TENM4: variants seen among roughly 807,000 people sequenced by gnomAD.
TENM4 encodes teneurin transmembrane protein 4, also known as teneurin-4.
In TENM4, 82 loss-of-function variants were observed where a neutral mutation model predicts 243.3. The observed-to-expected ratio is 0.34, with a 90% CI of 0.28 to 0.40. The LOEUF (loss-of-function observed/expected upper bound fraction) is 0.40. Ranked by LOEUF, TENM4 falls within the 10% of genes least tolerant of loss-of-function variation. TENM4 has a pLI of 1.00. For synonymous variants in TENM4, 1,412 were observed against 1,456.3 expected (o/e 0.97, Z 0.69); for missense variants, 3,138 against 3,673.3 (o/e 0.85, Z 3.77).
At chr11:79,409,101 T>TGTGTGC (rs1471534971) in intron 1 of TENM4, among the ~76,000 whole-genome samples, 58 of 103,670 alleles carry the variant, frequency 5.6e-4, no homozygotes, top group African/African-American at 1.5e-3. Context: ...TGTGTGTGTG[T>TGTGTGC]GCGCGCGCGC....
chr11:79,327,784 A>G (rs968542859), intron 1 of TENM4, among the ~76,000 whole-genome samples: 15 of 151,988 alleles, frequency 9.9e-5, no homozygotes, highest in African/African-American at 3.6e-4. Context: ...GGTACCTCAG[A>G]GTCCTCTGTG....
At chr11:79,230,408 C>CTAT (rs1864352673) in intron 2 of TENM4, among the ~76,000 whole-genome samples, 1 of 152,068 alleles carries the variant, frequency 6.6e-6, no homozygotes, top group Admixed American at 6.5e-5. Flanking sequence ...TGCCCCTGCT[C>CTAT]TATTATTGGG....
At chr11:78,695,973 C>T (rs1484578102) in intron 28 of TENM4, among the ~76,000 whole-genome samples, 1 of 151,658 alleles carries the variant, frequency 6.6e-6, no homozygotes, top group Non-Finnish European at 1.5e-5. Context: ...TCAAATATTT[C>T]TTCTGCCCTA....
At chr11:79,389,284 T>C (rs371417258) in intron 1 of TENM4, among the ~76,000 whole-genome samples, 50 of 152,284 alleles carry the variant, frequency 3.3e-4, no homozygotes, top group African/African-American at 1.1e-3. Context: ...GTCTCCTGAG[T>C]AGCTGAGATT....
chr11:79,199,368 A>C (rs1370831752), intron 3 of TENM4, among the ~76,000 whole-genome samples: 1 of 152,194 alleles, frequency 6.6e-6, no homozygotes, highest in East Asian at 1.9e-4. Flanking sequence ...CTAGGCATTC[A>C]TTGTTTCAGC....
Position 79,246,185 on chromosome 11 carries a change from A to C in TENM4, c.-264-30276T>G, listed in dbSNP as rs377389459. On this transcript the variant is annotated intron_variant, in intron 2 of 33. Coordinates refer to ENST00000278550, the MANE Select transcript of TENM4 (RefSeq NM_001098816.3). Reference sequence around the variant, plus strand: ...AAGTGTTAGCTGTTATTAAGAACCTATTCTGTGCTAGATATATGCTAAGCA... The same window carrying C: ...AAGTGTTAGCTGTTATTAAGAACCTCTTCTGTGCTAGATATATGCTAAGCA... 1.5e-3 allele frequency among the ~76,000 whole-genome samples: 233 copies of C among 152,288 alleles called. 5 individuals are homozygous for C. The South Asian group carries it at 0.022, about 14-fold the overall frequency.
chr11:79,208,052 C>A (rs966774103), intron 3 of TENM4, among the ~76,000 whole-genome samples: 1 of 151,954 alleles, frequency 6.6e-6, no homozygotes, highest in South Asian at 2.1e-4. Flanking sequence ...TACCATATGG[C>A]CTTCTAACAT....
chr11:79,206,975 C>A (rs572990859), intron 3 of TENM4, among the ~76,000 whole-genome samples: 2 of 152,226 alleles, frequency 1.3e-5, no homozygotes, highest in African/African-American at 4.8e-5. Flanking sequence ...TGGGGGCCTT[C>A]GTGGTGCTCA....
At chr11:78,895,427 GA>G (rs1310823809) in intron 7 of TENM4, among the ~76,000 whole-genome samples, 1 of 152,014 alleles carries the variant, frequency 6.6e-6, no homozygotes, top group Non-Finnish European at 1.5e-5. Context: ...TTTGATTGAT[GA>G]GGAAACTGAG....
intron 1 of TENM4, among the ~76,000 whole-genome samples, chr11:79,391,532 A>G (rs1256074342): frequency 6.6e-6 from 1 of 152,240 alleles, no homozygotes; most frequent in Non-Finnish European, 1.5e-5. Context: ...GCAAATATTA[A>G]TCAGAGAGCC....
intron 19 of TENM4, among the ~76,000 whole-genome samples, chr11:78,745,195 G>T (rs1387243506): frequency 4.6e-5 from 7 of 150,974 alleles, no homozygotes; most frequent in Admixed American, 4.6e-4. Flanking sequence ...ACCAGTGTGG[G>T]TCCACTGTCC....
intron 3 of TENM4, among the ~76,000 whole-genome samples, chr11:79,171,702 C>G (rs1368043302): frequency 6.6e-6 from 1 of 152,114 alleles, no homozygotes; most frequent in Non-Finnish European, 1.5e-5. Flanking sequence ...TTTATCTTAT[C>G]CATTTATTGC....
chr11:79,411,434 T>C (rs1374129068), intron 1 of TENM4, among the ~76,000 whole-genome samples: 1 of 152,192 alleles, frequency 6.6e-6, no homozygotes, highest in Non-Finnish European at 1.5e-5. Context: ...ACTCAGAACA[T>C]GATAGAAGCG....
At chr11:79,437,020 C>T (rs566774953) in intron 1 of TENM4, among the ~76,000 whole-genome samples, 1 of 152,322 alleles carries the variant, frequency 6.6e-6, no homozygotes, top group South Asian at 2.1e-4. Context: ...GTTCCCCAAA[C>T]ATTTCCAAGG....
chr11:78,772,278 T>C (rs1856661300), intron 17 of TENM4, among the ~76,000 whole-genome samples: 1 of 152,172 alleles, frequency 6.6e-6, no homozygotes, highest in African/African-American at 2.4e-5. Flanking sequence ...TTTGAGAATA[T>C]GTTAAATTAC....
At chr11:79,153,815 G>C (rs1178521088) in intron 3 of TENM4, among the ~76,000 whole-genome samples, 2 of 151,974 alleles carry the variant, frequency 1.3e-5, no homozygotes, top group Admixed American at 1.3e-4. Flanking sequence ...TCTTCTCTCT[G>C]ATTCTTCAAC....
intron 27 of TENM4, among the ~76,000 whole-genome samples, chr11:78,705,375 GA>G (rs1052662888): frequency 3.9e-5 from 6 of 152,186 alleles, no homozygotes; most frequent in African/African-American, 1.4e-4. Flanking sequence ...AGGTGCCTGG[GA>G]AAGGAGAAGG....
rs985883956 is a variant in TENM4 at position 79,064,579 on chromosome 11, C to T, written c.493+159G>A. 4.1e-5 allele frequency: 40 copies of T among 973,382 alleles called. No individual in the cohort carries two copies. In the African/African-American group the frequency reaches 4.6e-4, roughly 11 times the overall value. The allele number at this position is 973,382 out of a possible 1,614,324, so 60.3% of individuals were successfully genotyped here. A position where few individuals can be genotyped will look rare whatever the true frequency, so the allele number is the denominator to read the frequency against. On this transcript the variant is annotated intron_variant, in intron 6 of 33. Coordinates refer to ENST00000278550, the MANE Select transcript of TENM4 (RefSeq NM_001098816.3). Reference sequence around the variant, plus strand: ...ATGTCACTCATGGGTGGGCATTTCACGTGACTCTCCAAGAGACTCTGACAT... The same window carrying T: ...ATGTCACTCATGGGTGGGCATTTCATGTGACTCTCCAAGAGACTCTGACAT...
chr11:79,301,651 C>T (rs1468599078), intron 1 of TENM4, among the ~76,000 whole-genome samples: 2 of 152,212 alleles, frequency 1.3e-5, no homozygotes, highest in African/African-American at 2.4e-5. Flanking sequence ...CCAAATCTCA[C>T]GTCGAATTGT....
Sources: gnomAD v4.1 joint callset for allele counts (sites outside exome capture counted in the v4.1 genomes callset) on GRCh38, gnomAD v4.1.1 for gene constraint, MANE v1.5 for transcripts, NCBI Gene and HGNC (gene_info 2026-07-23, HGNC 2026-07-21) for gene names.